The following LTBP1 variants were observed in gnomAD, a reference collection of about 807,000 sequenced individuals.
The protein encoded by LTBP1 is latent transforming growth factor beta binding protein 1.
Under a neutral mutation model 207.6 loss-of-function variants are expected in LTBP1, and 129 were observed. The observed-to-expected ratio is 0.62, with a 90% CI of 0.54 to 0.72. LTBP1 has a LOEUF of 0.72. Ranked by LOEUF, LTBP1 falls within the 30% of genes least tolerant of loss-of-function variation. The pLI is 0.00. For synonymous variants in LTBP1, 963 were observed against 833.7 expected, an observed-to-expected ratio of 1.16 and a Z score of -2.67; for missense variants, 2,281 against 2,217.2, an observed-to-expected ratio of 1.03 and a Z score of -0.58.
chr2:33,059,427 G>A (rs1009898416), intron 3 of LTBP1, among the ~76,000 whole-genome samples: 2 of 152,156 alleles, frequency 1.3e-5, no homozygotes, highest in Admixed American at 6.5e-5. Context: ...CAAGCCTAGG[G>A]ATCTAATTTC....
intron 26 of LTBP1, among the ~76,000 whole-genome samples, chr2:33,356,258 A>AGCATCTGGTTGTCAGGATGTGGT (rs1414500127): frequency 1.3e-5 from 2 of 152,370 alleles, no homozygotes; most frequent in East Asian, 3.9e-4. Context: ...ATCAGGGGTC[A>AGCATCTGGTTGTCAGGATGTGGT]GCATCTGGTT....
At chr2:33,323,362 C>T (rs1253194114) in intron 24 of LTBP1, among the ~76,000 whole-genome samples, 3 of 152,218 alleles carry the variant, frequency 2.0e-5, no homozygotes, top group African/African-American at 2.4e-5. Flanking sequence ...ATCGACTAGG[C>T]GCGGTAGCTC....
Position 33,243,694 on chromosome 2 carries a change from C to T in LTBP1, c.1909C>T (p.Pro637Ser). The change falls in exon 10 of 34, where the codon CCT (proline) becomes TCT (serine). Residue 637 changes from proline to serine, a missense_variant. Physicochemically the swap from Pro to Ser is moderately conservative, Grantham distance 74. Around this residue, in one of 3 missense-constraint regions of LTBP1, gnomAD observed 1,671 missense variants for 1,634.8 expected, o/e 1.02. Coordinates refer to ENST00000404816, the MANE Select transcript of LTBP1 (RefSeq NM_206943.4). ...TGAATGTCAGCTACAAGGTGTATGC[C>T]CTAATGGTGAGTGTTTGAATACCAT... Reference protein sequence around the residue: ...INECQLQGVCPNGECLNTMGS... With the variant: ...INECQLQGVCSNGECLNTMGS... The T allele has an allele frequency of 1.2e-6, 2 of 1,613,876 alleles. No individual in the cohort carries two copies. The highest frequency in any genetic ancestry group is 8.5e-7 in the Non-Finnish European group (1 of 1,179,854).
At chr2:33,289,112 A>G (rs186631637) in intron 19 of LTBP1, among the ~76,000 whole-genome samples, 12 of 152,290 alleles carry the variant, frequency 7.9e-5, no homozygotes, top group Non-Finnish European at 1.5e-4. Flanking sequence ...TGGCACATCT[A>G]GTTTTCAACA....
chr2:33,278,054 G>C (rs1405523635), intron 18 of LTBP1, among the ~76,000 whole-genome samples: 1 of 151,070 alleles, frequency 6.6e-6, no homozygotes, highest in Non-Finnish European at 1.5e-5. Context: ...GGATGGTCTC[G>C]ATCTCCTGAC....
intron 19 of LTBP1, among the ~76,000 whole-genome samples, chr2:33,282,599 T>C (rs2093582150): frequency 6.6e-6 from 1 of 152,360 alleles, no homozygotes; most frequent in African/African-American, 2.4e-5. Flanking sequence ...TGCCCAGCCC[T>C]AGCTTTGTAC....
In LTBP1 at chr2:33,310,648, T is replaced by C. The variant is rs1573767079; in HGVS notation, c.3604+1092T>C. ...ACTCTTCCCTACATTGCCATACCAA[T>C]TATTGTTACATTTATAGCCAAAAGA... On this transcript the variant is annotated intron_variant, in intron 23 of 33. Coordinates refer to ENST00000404816, the MANE Select transcript of LTBP1 (RefSeq NM_206943.4). 1.3e-5 allele frequency among the ~76,000 whole-genome samples: 2 copies of C among 152,188 alleles called. 1 individual carries two copies. The highest frequency in any genetic ancestry group is 4.1e-4 in the South Asian group (2 of 4,832).
chr2:32,970,339 A>G (rs949364388), intron 2 of LTBP1, among the ~76,000 whole-genome samples: 6 of 151,952 alleles, frequency 3.9e-5, no homozygotes, highest in African/African-American at 1.4e-4. Flanking sequence ...AATCTTTTCC[A>G]GGGCCTATGT....
chr2:32,992,853 T>C (rs530381019), intron 2 of LTBP1, among the ~76,000 whole-genome samples: 15 of 151,966 alleles, frequency 9.9e-5, no homozygotes, highest in African/African-American at 3.6e-4. Flanking sequence ...AGGGAAGGTG[T>C]GCGTGGCAGT....
Position 33,134,679 on chromosome 2 carries a change from C to T in LTBP1, c.1034-114C>T. 6.3e-6 allele frequency: 10 copies of T among 1,591,698 alleles called. No homozygotes were observed. Among genetic ancestry groups the T allele is most frequent in the African/African-American group, 1.4e-5 (1 of 73,970 alleles). ...TGTCGGGTTGTGGGCTCTCTCTTTT[C>T]CCCTCTTGCTCCTTTCTTTTCTTTT... is the stretch of plus-strand genomic sequence containing the variant. On this transcript the variant is annotated intron_variant, in intron 4 of 33. Transcript: ENST00000404816. The surrounding 1 kb of genome is among the most constrained non-coding windows in gnomAD (Gnocchi z 4.4).
chr2:33,068,425 A>G (rs923559999), intron 3 of LTBP1, among the ~76,000 whole-genome samples: 2 of 152,148 alleles, frequency 1.3e-5, no homozygotes, highest in African/African-American at 4.8e-5. Flanking sequence ...GTTATAAATG[A>G]TGAACCTGCA....
At chr2:33,095,316 CA>C (rs2079325683) in intron 3 of LTBP1, among the ~76,000 whole-genome samples, 1 of 152,076 alleles carries the variant, frequency 6.6e-6, no homozygotes, top group African/African-American at 2.4e-5. Context: ...AAGGGACCCC[CA>C]AACATCTATA....
chr2:33,007,312 C>T (rs1458183987), intron 2 of LTBP1, among the ~76,000 whole-genome samples: 5 of 152,222 alleles, frequency 3.3e-5, no homozygotes, highest in Non-Finnish European at 7.3e-5. Context: ...CATCAAAAAT[C>T]TATGGCATGG....
chr2:33,365,621 C>G, intron 31 of LTBP1, 118 bp downstream of exon 31: 2 of 919,886 alleles, frequency 2.2e-6, no homozygotes, highest in Non-Finnish European at 3.1e-6. Context: ...ATCTTACTTT[C>G]ATCCCGTGTG....
intron 2 of LTBP1, among the ~76,000 whole-genome samples, chr2:33,003,412 C>A (rs535116832): frequency 6.6e-6 from 1 of 152,308 alleles, no homozygotes; most frequent in South Asian, 2.1e-4. Context: ...AAATAACTTG[C>A]TAAAGGTCAT....
At chr2:32,990,708 C>T in intron 2 of LTBP1, among the ~76,000 whole-genome samples, 1 of 151,946 alleles carries the variant, frequency 6.6e-6, no homozygotes, top group East Asian at 1.9e-4. Context: ...CACAGTAGTG[C>T]AAAACAGCTG....
At chr2:32,973,745 A>G (rs1231020607) in intron 2 of LTBP1, among the ~76,000 whole-genome samples, 2 of 151,976 alleles carry the variant, frequency 1.3e-5, no homozygotes, top group Non-Finnish European at 2.9e-5. Context: ...CCAGCCCCTC[A>G]CTACCCTTCT....
chr2:33,304,496 C>G (rs1362264599), intron 22 of LTBP1, among the ~76,000 whole-genome samples: 2 of 152,014 alleles, frequency 1.3e-5, no homozygotes, highest in Non-Finnish European at 2.9e-5. Context: ...TGCTGGCCTC[C>G]TCGTAGAGTC....
At chr2:33,095,890 G>T (rs218209) in intron 3 of LTBP1, among the ~76,000 whole-genome samples, 93,341 of 151,968 alleles carry the variant, frequency 0.61, 29,739 homozygotes, top group East Asian at 0.98. Flanking sequence ...TTGGAGTAAT[G>T]TCATGTAATT....
Sources: allele counts gnomAD v4.1 joint callset (sites outside exome capture counted in the v4.1 genomes callset), GRCh38; gene constraint gnomAD v4.1.1; regional missense constraint gnomAD v4.1.1; non-coding constraint Gnocchi (gnomAD v3.1); transcripts MANE v1.5; gene names NCBI Gene and HGNC (gene_info 2026-07-23, HGNC 2026-07-21).